The following CSMD3 variants were observed in gnomAD, a reference collection of about 807,000 sequenced individuals.
CSMD3 encodes CUB and sushi domain-containing protein 3.
CSMD3 carries 177 observed loss-of-function variants against 435.2 expected under a neutral mutation model. The ratio of observed to expected loss-of-function variants is 0.41; its 90% CI spans 0.36 to 0.46. The LOEUF (loss-of-function observed/expected upper bound fraction) is 0.46. Among genes scored for constraint, CSMD3 ranks in the 20% least tolerant of loss-of-function variants. The pLI, the probability that CSMD3 is intolerant of heterozygous loss-of-function variation, is 0.34. For missense variants in CSMD3, 4,265 were observed against 4,504.6 expected (o/e 0.95, Z 1.52); for synonymous variants, 1,656 against 1,520.5 (o/e 1.09, Z -2.07).
intron 6 of CSMD3, among the ~76,000 whole-genome samples, chr8:112,995,791 T>C (rs974835594): frequency 6.6e-6 from 1 of 151,480 alleles, no homozygotes; most frequent in African/African-American, 2.4e-5. Context: ...TAATTGTTCG[T>C]TGAATTTTCT....
At chr8:113,397,408 T>C (rs2094488727) in intron 1 of CSMD3, among the ~76,000 whole-genome samples, 1 of 152,190 alleles carries the variant, frequency 6.6e-6, no homozygotes, top group Non-Finnish European at 1.5e-5. Context: ...AGGAATTCCT[T>C]CTAGCCCACT....
At chr8:112,231,905 CATG>C (rs1041074292) in intron 68 of CSMD3, among the ~76,000 whole-genome samples, 5 of 152,172 alleles carry the variant, frequency 3.3e-5, no homozygotes, top group African/African-American at 1.2e-4. Flanking sequence ...AAAGCAATGA[CATG>C]AGGAAATACA....
chr8:113,026,101 C>G (rs997606960), intron 5 of CSMD3, among the ~76,000 whole-genome samples: 9 of 152,142 alleles, frequency 5.9e-5, no homozygotes, highest in Admixed American at 5.9e-4. Context: ...CATGTTAACT[C>G]CAGGAAGCTC....
intron 4 of CSMD3, among the ~76,000 whole-genome samples, chr8:113,110,670 A>C (rs1174089450): frequency 6.6e-6 from 1 of 152,148 alleles, no homozygotes; most frequent in Non-Finnish European, 1.5e-5. Context: ...GCCCTTAATG[A>C]ATGGATATTC....
intron 6 of CSMD3, among the ~76,000 whole-genome samples, chr8:112,999,730 C>T (rs939908436): frequency 4.0e-5 from 6 of 150,730 alleles, no homozygotes; most frequent in African/African-American, 1.2e-4. Flanking sequence ...TAGTCTATTG[C>T]GAATGTTTTG....
chr8:112,777,625 T>G (rs1197543564), intron 13 of CSMD3, among the ~76,000 whole-genome samples: 2 of 151,860 alleles, frequency 1.3e-5, no homozygotes, highest in East Asian at 1.9e-4. Context: ...ATGCCATGAC[T>G]TGGTGACCAC....
chr8:112,338,156 T>C (rs1195015435), intron 42 of CSMD3, among the ~76,000 whole-genome samples: 1 of 152,202 alleles, frequency 6.6e-6, no homozygotes, highest in Non-Finnish European at 1.5e-5. Context: ...ACAGTTTGTT[T>C]TACTAATTGT....
intron 56 of CSMD3, among the ~76,000 whole-genome samples, 187 bp downstream of exon 56, chr8:112,291,323 T>G (rs752394158): frequency 6.6e-6 from 1 of 151,942 alleles, no homozygotes; most frequent in Non-Finnish European, 1.5e-5. Context: ...ATCACATTAA[T>G]TTTAAGAAAA....
At chr8:113,286,281 G>A (rs1395953121) in intron 2 of CSMD3, among the ~76,000 whole-genome samples, 2 of 151,820 alleles carry the variant, frequency 1.3e-5, no homozygotes, top group African/African-American at 4.8e-5. Flanking sequence ...AAATGATAAC[G>A]ATATTTTATA....
In CSMD3 at chr8:112,947,844, A is replaced by G. The variant is rs2083669000; in HGVS notation, c.1454T>C (p.Leu485Ser). 6.4e-7 allele frequency: 1 copy of G among 1,551,390 alleles called. No individual in the cohort carries two copies. Among genetic ancestry groups the G allele is most frequent in the South Asian group, 1.1e-5 (1 of 89,126 alleles). Reference protein sequence around the residue: ...NEGGIKTASNLCPDPGEPENG... With the variant: ...NEGGIKTASNSCPDPGEPENG... The stretch of plus-strand genomic sequence containing the variant: ...TTCTGGTTCTCCTGGATCTGGGCAT[A>G]AATTGGAAGCTGTTTTAATACCTCC... Residue 485 changes from leucine (L) to serine (S), a missense_variant, in exon 9 of 71, where the codon TTA becomes TCA. This residue lies in a region of CSMD3 where 731 missense variants were observed against 755.4 expected (regional missense o/e 0.97). Coordinates refer to ENST00000297405, the MANE Select transcript of CSMD3 (RefSeq NM_198123.2).
chr8:113,140,362 A>G (rs1352126350), intron 4 of CSMD3, among the ~76,000 whole-genome samples: 4 of 150,718 alleles, frequency 2.7e-5, no homozygotes, highest in Non-Finnish European at 6.0e-5. Flanking sequence ...CTAGATGGAA[A>G]ATCAATAAGA....
chr8:112,679,104 T>TA (rs397941606), intron 16 of CSMD3, among the ~76,000 whole-genome samples: 4 of 148,544 alleles, frequency 2.7e-5, no homozygotes, highest in South Asian at 2.1e-4. Flanking sequence ...TTTTTTTTTT[T>TA]AAATTAGGAA....
chr8:112,606,384 G>A (rs1266449747), intron 22 of CSMD3, among the ~76,000 whole-genome samples: 2 of 152,124 alleles, frequency 1.3e-5, no homozygotes, highest in Non-Finnish European at 2.9e-5. Flanking sequence ...GGAGAGGCTG[G>A]AAAGAGAGAA....
At chr8:113,406,103 T>C (rs1356852601) in intron 1 of CSMD3, among the ~76,000 whole-genome samples, 1 of 151,838 alleles carries the variant, frequency 6.6e-6, no homozygotes, top group Non-Finnish European at 1.5e-5. Flanking sequence ...AAAACAGATT[T>C]CAGAAATACT....
rs773858280 is a variant in CSMD3 at position 112,685,738 on chromosome 8, G to A, written c.2156-6C>T. On this transcript the variant is annotated splice_region_variant and splice_polypyrimidine_tract_variant and intron_variant, in intron 14 of 70. Coordinates refer to ENST00000297405, the MANE Select transcript of CSMD3 (RefSeq NM_198123.2). ...AAAGTTAGACAGGCAGGGAACTGGTGAAACAGGAAGATTATGAAATACAAT... is the reference window on the plus strand; with the variant it reads ...AAAGTTAGACAGGCAGGGAACTGGTAAAACAGGAAGATTATGAAATACAAT... 5.2e-6 allele frequency: 8 copies of A among 1,534,066 alleles called. No homozygotes were observed. In the South Asian group the frequency reaches 9.0e-5, roughly 17 times the overall value.
chr8:113,015,618 C>T (rs2086426135), intron 6 of CSMD3, among the ~76,000 whole-genome samples: 1 of 151,662 alleles, frequency 6.6e-6, no homozygotes, highest in Non-Finnish European at 1.5e-5. Flanking sequence ...TATGATTGCA[C>T]ATTGAAAGAG....
intron 38 of CSMD3, among the ~76,000 whole-genome samples, chr8:112,361,451 A>G (rs1225320377): frequency 6.6e-6 from 1 of 150,944 alleles, no homozygotes; most frequent in Non-Finnish European, 1.5e-5. Context: ...ATTATTTCCA[A>G]TTCTGTTCAC....
chr8:112,421,999 A>T (rs916010047), intron 32 of CSMD3, among the ~76,000 whole-genome samples: 5 of 152,058 alleles, frequency 3.3e-5, no homozygotes, highest in African/African-American at 9.7e-5. Flanking sequence ...GTAAGCTAAA[A>T]AGGGAAAGAA....
chr8:112,744,562 G>T (rs545809599), intron 13 of CSMD3, among the ~76,000 whole-genome samples: 123 of 151,982 alleles, frequency 8.1e-4, no homozygotes, highest in African/African-American at 2.8e-3. Context: ...GTAAGTCATG[G>T]TTTCAAATGG....
Sources: allele counts gnomAD v4.1 joint callset (sites outside exome capture counted in the v4.1 genomes callset), GRCh38; gene constraint gnomAD v4.1.1; regional missense constraint gnomAD v4.1.1; transcripts MANE v1.5; gene names NCBI Gene and HGNC (gene_info 2026-07-23, HGNC 2026-07-21).